The following CELF2 variants were observed in gnomAD, a reference collection of about 807,000 sequenced individuals.
The protein encoded by CELF2 is CUG triplet repeat RNA-binding protein 2.
A neutral mutation model predicts 62.6 loss-of-function variants in CELF2; 8 were observed. The observed-to-expected ratio is 0.13, with a 90% CI of 0.07 to 0.23. The LOEUF (loss-of-function observed/expected upper bound fraction) is 0.23, where lower values mean the gene tolerates loss of function less well. CELF2 is among the 10% of genes least tolerant of loss of function. The pLI, the probability that CELF2 is intolerant of heterozygous loss-of-function variation, is 1.00. For missense variants in CELF2, 333 were observed against 671.0 expected (o/e 0.50, Z 5.56); for synonymous variants, 258 against 250.0 (o/e 1.03, Z -0.30).
chr10:10,928,383 C>G lies in CELF2; in HGVS notation c.89+8384C>G, dbSNP rs1242547682. Among the ~76,000 whole-genome samples the G allele has an allele frequency of 6.6e-6, 1 of 152,192 alleles. No individual in the cohort carries two copies. Among genetic ancestry groups the G allele is most frequent in the Non-Finnish European group, 1.5e-5 (1 of 68,042 alleles). On this transcript the variant is annotated intron_variant, in intron 2 of 13. Transcript: ENST00000636488. This position sits in a 1 kb window ranked among gnomAD's most constrained non-coding sequence, Gnocchi z 4.8. ...CTTCTATTTGAAAGCCCAGTGTCAT[C>G]TCTCTGCTCTTTTTCTCCCCTACCA...
the CELF2 span, among the ~76,000 whole-genome samples, chr10:10,566,015 A>G: frequency 2.0e-5 from 3 of 152,194 alleles, no homozygotes; most frequent in Non-Finnish European, 4.4e-5. Context: ...TATATAAAAC[A>G]GAACTTTGGA....
the CELF2 span, among the ~76,000 whole-genome samples, chr10:10,767,006 A>T: frequency 5.3e-5 from 8 of 152,326 alleles, no homozygotes; most frequent in South Asian, 1.7e-3. Flanking sequence ...TCAATGGAAC[A>T]GGAACAGGTG....
intron 1 of CELF2, among the ~76,000 whole-genome samples, chr10:10,844,642 A>T (rs2058898750): frequency 6.6e-6 from 1 of 152,146 alleles, no homozygotes; most frequent in Non-Finnish European, 1.5e-5. Context: ...TTATGCTAAT[A>T]CTAAAGAAAT....
rs554325233 is a variant in CELF2 at position 11,005,897 on chromosome 10, T to C, written c.53+457T>C. On this transcript the variant is annotated intron_variant, in intron 1 of 12. Transcript: ENST00000416382. This position sits in a 1 kb window ranked among gnomAD's most constrained non-coding sequence, Gnocchi z 4.3. ...CTAATCTGGACTTAGCCTACCTAAA[T>C]AGTCCTCCTGTGTTACCAGGTTTGG... 2.0e-5 allele frequency among the ~76,000 whole-genome samples: 3 copies of C among 152,358 alleles called. No homozygotes were observed. The East Asian group carries it at 5.8e-4, about 29-fold the overall frequency.
chr10:10,878,195 T>C lies in CELF2; in HGVS notation c.54-41769T>C, dbSNP rs569246711. ...TATAGGATCCCATCTATTAGATGAC[T>C]CTAATAGAATCCTTCACTCTCTGCT... On this transcript the variant is annotated intron_variant, in intron 1 of 13. Coordinates refer to the CELF2 transcript ENST00000636488. Among the ~76,000 whole-genome samples, 6 of 152,302 alleles carry C rather than the reference T, an allele frequency of 3.9e-5. No homozygotes were observed. In the South Asian group the frequency reaches 1.0e-3, roughly 26 times the overall value.
rs774647569 is a variant in CELF2, at chr10:10,821,863, A to G, written c.53+23046A>G. ...GCTTTTTGGCCCAGGCTGGTCTCGA[A>G]TTCCTGGGCTCAAGCAATCCTCCTG... On this transcript the variant is annotated intron_variant, in intron 1 of 13. Coordinates refer to the CELF2 transcript ENST00000636488. Among the ~76,000 whole-genome samples, 3 of 152,206 alleles carry G rather than the reference A, an allele frequency of 2.0e-5. No homozygotes were observed. The East Asian group carries it at 5.8e-4, about 29-fold the overall frequency.
Position 10,997,926 on chromosome 10 carries a change from G to A in CELF2, c.89+77927G>A, listed in dbSNP as rs2054133771. The stretch of plus-strand genomic sequence containing the variant: ...ATTGTAATAATCCCCACGTGTCATG[G>A]GAGGGACCCGGTGGGAGGTAATTGA... On this transcript the variant is annotated intron_variant, in intron 2 of 13. Coordinates refer to the CELF2 transcript ENST00000636488. This position sits in a 1 kb window ranked among gnomAD's most constrained non-coding sequence, Gnocchi z 5.3. Among the ~76,000 whole-genome samples, 1 of 152,116 alleles carries A rather than the reference G, an allele frequency of 6.6e-6. No homozygotes were observed. Among genetic ancestry groups the A allele is most frequent in the African/African-American group, 2.4e-5 (1 of 41,430 alleles).
chr10:11,286,984 G>C (rs2091470255), intron 8 of CELF2, among the ~76,000 whole-genome samples: 1 of 152,164 alleles, frequency 6.6e-6, no homozygotes, highest in Non-Finnish European at 1.5e-5. Flanking sequence ...ATGCACCCTG[G>C]TTGAGGAGGC....
chr10:11,265,074 T>G (rs1369545667), intron 5 of CELF2, among the ~76,000 whole-genome samples: 2 of 152,262 alleles, frequency 1.3e-5, no homozygotes, highest in Non-Finnish European at 2.9e-5. Context: ...CTCTTATTGC[T>G]GTTGGATTAA....
the CELF2 span, among the ~76,000 whole-genome samples, chr10:10,546,663 A>G: frequency 6.6e-6 from 1 of 152,190 alleles, no homozygotes; most frequent in Non-Finnish European, 1.5e-5. Flanking sequence ...ATACTTTAGA[A>G]TGGGTTTTAT....
At chr10:10,746,075 C>T in the CELF2 span, among the ~76,000 whole-genome samples, 303 of 152,322 alleles carry the variant, frequency 2.0e-3, 1 homozygote, top group African/African-American at 7.0e-3. Flanking sequence ...CAGTCCAGGG[C>T]ATGAATTCTC....
chr10:10,720,163 G>A, the CELF2 span, among the ~76,000 whole-genome samples: 1 of 152,166 alleles, frequency 6.6e-6, no homozygotes, highest in Non-Finnish European at 1.5e-5. Flanking sequence ...CCACTGTGCA[G>A]GACTTACGGC....
At chr10:10,571,183 TTGAC>T in the CELF2 span, among the ~76,000 whole-genome samples, 3 of 152,074 alleles carry the variant, frequency 2.0e-5, no homozygotes, top group Admixed American at 1.3e-4. Context: ...GAGAATTAGA[TTGAC>T]TGGAATTTAG....
At chr10:10,760,397 T>G in the CELF2 span, among the ~76,000 whole-genome samples, 1 of 152,316 alleles carries the variant, frequency 6.6e-6, no homozygotes, top group South Asian at 2.1e-4. Context: ...CTACTGTGAC[T>G]TGGTTGTAGC....
chr10:10,580,767 T>A, the CELF2 span, among the ~76,000 whole-genome samples: 1 of 152,184 alleles, frequency 6.6e-6, no homozygotes, highest in Admixed American at 6.5e-5. Context: ...CTCCTGAGAA[T>A]CAGAGAAAAG....
intron 1 of CELF2, among the ~76,000 whole-genome samples, chr10:10,823,244 T>C (rs780364224): frequency 6.6e-6 from 1 of 152,248 alleles, no homozygotes; most frequent in East Asian, 1.9e-4. Context: ...TATAAATTCA[T>C]AGTGAGTCTG....
At chr10:10,566,119 C>G in the CELF2 span, among the ~76,000 whole-genome samples, 4 of 152,132 alleles carry the variant, frequency 2.6e-5, no homozygotes, top group Admixed American at 1.3e-4. Flanking sequence ...AAAACAGAAC[C>G]ATGCATGGTC....
At chr10:10,624,252 A>G in the CELF2 span, among the ~76,000 whole-genome samples, 1 of 152,206 alleles carries the variant, frequency 6.6e-6, no homozygotes, top group Admixed American at 6.5e-5. Flanking sequence ...AATTTCTACA[A>G]TCCATGCCAG....
chr10:10,677,187 C>A, the CELF2 span, among the ~76,000 whole-genome samples: 2 of 152,266 alleles, frequency 1.3e-5, no homozygotes, highest in African/African-American at 4.8e-5. Context: ...TAATAAAATA[C>A]TTTGGAGGTT....
Sources: gnomAD v4.1 joint callset for allele counts (sites outside exome capture counted in the v4.1 genomes callset) on GRCh38, gnomAD v4.1.1 for gene constraint, Gnocchi (gnomAD v3.1) non-coding constraint, MANE v1.5 for transcripts, NCBI Gene and HGNC (gene_info 2026-07-23, HGNC 2026-07-21) for gene names.